The following CDH12 variants were observed in gnomAD, a reference collection of about 807,000 sequenced individuals.
CDH12 encodes cadherin 12.
In CDH12, 41 loss-of-function variants were observed where a neutral mutation model predicts 74.1. The ratio of observed to expected loss-of-function variants is 0.55; its 90% CI spans 0.43 to 0.72. The LOEUF (loss-of-function observed/expected upper bound fraction) is 0.72, where lower values mean the gene tolerates loss of function less well. Among genes scored for constraint, CDH12 ranks in the 30% least tolerant of loss-of-function variants. CDH12 has a pLI of 0.00. For missense variants in CDH12, 945 were observed against 977.2 expected, an observed-to-expected ratio of 0.97 and a Z score of 0.44; for synonymous variants, 399 against 355.0, an observed-to-expected ratio of 1.12 and a Z score of -1.39.
At chr5:22,117,497 ATATAAT>A (rs1745227175) in intron 4 of CDH12, among the ~76,000 whole-genome samples, 9 of 75,332 alleles carry the variant, frequency 1.2e-4, no homozygotes, top group Non-Finnish European at 2.1e-4. Flanking sequence ...TATTATATAT[ATATAAT>A]ATATATATAA....
Position 22,555,677 on chromosome 5 carries a change from A to T in CDH12, c.-522-50313T>A. Among the ~76,000 whole-genome samples, 2 of 152,052 alleles carry T rather than the reference A, an allele frequency of 1.3e-5. 1 individual carries two copies. ...TCTTCAATCATTGATTTTTATAGAC[A>T]TTATAGTAGATGTGTGCTTTAGACC... On this transcript the variant is annotated intron_variant, in intron 1 of 14. Transcript: ENST00000382254.
intron 4 of CDH12, among the ~76,000 whole-genome samples, chr5:22,206,514 A>G (rs1292365721): frequency 6.6e-6 from 1 of 152,004 alleles, no homozygotes; most frequent in Non-Finnish European, 1.5e-5. Flanking sequence ...GAAATCTACC[A>G]AAGTTTTGAC....
chr5:22,746,997 T>C (rs1173911736), intron 1 of CDH12, among the ~76,000 whole-genome samples: 1 of 152,184 alleles, frequency 6.6e-6, no homozygotes, highest in Non-Finnish European at 1.5e-5. Flanking sequence ...AAAAGTATAA[T>C]GAGGCATTAG....
At chr5:21,896,695 C>T (rs902905950) in intron 6 of CDH12, among the ~76,000 whole-genome samples, 12 of 152,126 alleles carry the variant, frequency 7.9e-5, no homozygotes, top group African/African-American at 1.9e-4. Flanking sequence ...ATGGAAAACA[C>T]GTGAAACAAA....
At chr5:22,786,354 A>G (rs1364899212) in intron 1 of CDH12, among the ~76,000 whole-genome samples, 2 of 152,200 alleles carry the variant, frequency 1.3e-5, no homozygotes, top group African/African-American at 2.4e-5. Flanking sequence ...GGAAGAAGCT[A>G]ACACAGAAGA....
At chr5:22,450,761 C>T (rs1013562044) in intron 2 of CDH12, among the ~76,000 whole-genome samples, 2 of 151,830 alleles carry the variant, frequency 1.3e-5, no homozygotes, top group African/African-American at 4.8e-5. Flanking sequence ...CCAATCCAGC[C>T]CTGGCTAAGA....
intron 1 of CDH12, among the ~76,000 whole-genome samples, chr5:22,794,099 A>C (rs1443747876): frequency 6.6e-6 from 1 of 152,160 alleles, no homozygotes; most frequent in Non-Finnish European, 1.5e-5. Context: ...CTGGCTTGCC[A>C]TGATCACCAA....
intron 1 of CDH12, among the ~76,000 whole-genome samples, chr5:22,623,528 A>G (rs1435115326): frequency 1.3e-5 from 2 of 152,116 alleles, no homozygotes; most frequent in African/African-American, 4.8e-5. Context: ...TAACAGACAA[A>G]CAGAGAGCCA....
intron 6 of CDH12, among the ~76,000 whole-genome samples, chr5:21,882,139 G>A (rs954522086): frequency 1.3e-5 from 2 of 152,118 alleles, no homozygotes; most frequent in Admixed American, 6.5e-5. Flanking sequence ...AGCTTCAGAC[G>A]GTTATTGTCA....
At chr5:22,118,222 A>C (rs2150271196) in intron 4 of CDH12, among the ~76,000 whole-genome samples, 1 of 152,280 alleles carries the variant, frequency 6.6e-6, no homozygotes, top group Middle Eastern at 3.4e-3. Flanking sequence ...AATGATTGCT[A>C]TTCATGTGGA....
chr5:22,826,303 C>T (rs1219099380), intron 1 of CDH12, among the ~76,000 whole-genome samples: 1 of 152,148 alleles, frequency 6.6e-6, no homozygotes, highest in Non-Finnish European at 1.5e-5. Flanking sequence ...TCCTCCTTGC[C>T]TTCCACCATG....
intron 1 of CDH12, among the ~76,000 whole-genome samples, chr5:22,640,738 T>A (rs1015901482): frequency 4.6e-5 from 7 of 152,202 alleles, no homozygotes; most frequent in African/African-American, 1.7e-4. Context: ...ATCTTCTCAA[T>A]GAGCACAACA....
intron 3 of CDH12, among the ~76,000 whole-genome samples, chr5:22,333,992 G>A (rs1187030468): frequency 1.3e-5 from 2 of 152,148 alleles, no homozygotes; most frequent in African/African-American, 4.8e-5. Flanking sequence ...CCTAATTAAA[G>A]CCATGTATAA....
chr5:22,209,932 T>C (rs1329007223), intron 4 of CDH12, among the ~76,000 whole-genome samples: 1 of 151,996 alleles, frequency 6.6e-6, no homozygotes, highest in Admixed American at 6.6e-5. Context: ...ATTTGAGTTA[T>C]AGGTTCATTA....
At chr5:22,655,651 A>T (rs1189164229) in intron 1 of CDH12, among the ~76,000 whole-genome samples, 5 of 152,234 alleles carry the variant, frequency 3.3e-5, no homozygotes, top group Non-Finnish European at 7.3e-5. Context: ...GATCACCATG[A>T]TCTGCCTGGA....
intron 3 of CDH12, among the ~76,000 whole-genome samples, chr5:22,249,777 G>A (rs1753074697): frequency 1.3e-5 from 2 of 152,254 alleles, no homozygotes; most frequent in South Asian, 2.1e-4. Context: ...TTTCTGGAAA[G>A]GTAATGGAGA....
At chr5:22,748,910 A>AT in intron 1 of CDH12, among the ~76,000 whole-genome samples, 1 of 152,190 alleles carries the variant, frequency 6.6e-6, no homozygotes. Flanking sequence ...ATGCCAGGCT[A>AT]TTTTTGCTGG....
At chr5:22,355,485 T>A (rs949203531) in intron 3 of CDH12, among the ~76,000 whole-genome samples, 2 of 144,164 alleles carry the variant, frequency 1.4e-5, no homozygotes. Context: ...CCAGACTATT[T>A]TTGAAGGAGA....
chr5:22,078,916 T>C (rs971167733), intron 4 of CDH12, 54 bp from the exon 5 acceptor site: 1 of 947,048 alleles, frequency 1.1e-6, no homozygotes. Context: ...CATGATGATA[T>C]TCATCACAAC....
Sources: allele counts gnomAD v4.1 joint callset (sites outside exome capture counted in the v4.1 genomes callset), GRCh38; gene constraint gnomAD v4.1.1; transcripts MANE v1.5; gene names NCBI Gene and HGNC (gene_info 2026-07-23, HGNC 2026-07-21).